Variants in PATJ observed in about 807,000 individuals in gnomAD.
PATJ encodes the protein PATJ crumbs cell polarity complex component, also known as inaD-like protein.
In PATJ, 190 loss-of-function variants were observed where a neutral mutation model predicts 224.9. That is an observed-to-expected ratio of 0.84 (90% CI 0.75 to 0.95). PATJ has a LOEUF of 0.95. PATJ is among the 40% of genes least tolerant of loss of function. The pLI, the probability that PATJ is intolerant of heterozygous loss-of-function variation, is 0.00. For missense variants in PATJ, 2,121 were observed against 2,270.3 expected, an observed-to-expected ratio of 0.93 and a Z score of 1.34; for synonymous variants, 769 against 820.3, an observed-to-expected ratio of 0.94 and a Z score of 1.07.
chr1:61,899,994 A>G (rs1422394601), intron 23 of PATJ, among the ~76,000 whole-genome samples: 1 of 152,200 alleles, frequency 6.6e-6, no homozygotes, highest in Admixed American at 6.5e-5. Flanking sequence ...CAACAGTAAC[A>G]GTAGTTGAAG....
At chr1:62,156,529 C>CA (rs1009277887) in intron 43 of PATJ, among the ~76,000 whole-genome samples, 297 of 133,532 alleles carry the variant, frequency 2.2e-3, no homozygotes, top group African/African-American at 6.6e-3. Flanking sequence ...GACTCAGTCT[C>CA]AAAAAAAAAA....
At chr1:61,997,954 A>C (rs1250890488) in intron 28 of PATJ, among the ~76,000 whole-genome samples, 2 of 137,906 alleles carry the variant, frequency 1.5e-5, no homozygotes, top group African/African-American at 2.8e-5. Flanking sequence ...AGTAGCTAGA[A>C]CTATAGGTGC....
intron 28 of PATJ, among the ~76,000 whole-genome samples, chr1:61,995,326 C>T (rs77724920): frequency 0.12 from 17,892 of 152,198 alleles, 1,268 homozygotes; most frequent in Non-Finnish European, 0.16. Context: ...ATTATTTGCA[C>T]ATATTATTTA....
chr1:62,006,359 A>C (rs1169297321), intron 28 of PATJ, among the ~76,000 whole-genome samples: 2 of 151,950 alleles, frequency 1.3e-5, no homozygotes, highest in Non-Finnish European at 2.9e-5. Context: ...CAGGCAATCC[A>C]CCCGCCTTGG....
intron 32 of PATJ, among the ~76,000 whole-genome samples, chr1:62,080,471 A>T (rs1406783565): frequency 6.6e-6 from 1 of 152,014 alleles, no homozygotes; most frequent in Non-Finnish European, 1.5e-5. Flanking sequence ...AGCTGGGATT[A>T]CAGGTGCTCA....
intron 4 of PATJ, 111 bp downstream of exon 4, chr1:61,766,584 G>T: frequency 4.4e-6 from 3 of 676,946 alleles, no homozygotes; most frequent in African/African-American, 3.7e-5. Context: ...TATGTATTTT[G>T]CTTGCTTCTA....
chr1:61,773,351 A>G (rs1164680414), intron 6 of PATJ, among the ~76,000 whole-genome samples: 2 of 152,188 alleles, frequency 1.3e-5, no homozygotes, highest in South Asian at 2.1e-4. Flanking sequence ...TTAAGACTGC[A>G]TAGTAACTTT....
intron 42 of PATJ, among the ~76,000 whole-genome samples, chr1:62,148,865 G>A (rs943980709): frequency 1.3e-5 from 2 of 152,126 alleles, no homozygotes; most frequent in African/African-American, 4.8e-5. Context: ...AGTGGCTCAT[G>A]CCTGTAATCC....
chr1:61,862,489 G>A (rs1418677208), intron 19 of PATJ, among the ~76,000 whole-genome samples: 1 of 152,098 alleles, frequency 6.6e-6, no homozygotes, highest in Admixed American at 6.5e-5. Context: ...GAGCCACCAC[G>A]CCCAGCCTAT....
At chr1:62,084,389 T>G in intron 32 of PATJ, 126 bp from the exon 33 acceptor site, 1 of 973,376 alleles carries the variant, frequency 1.0e-6, no homozygotes, top group Non-Finnish European at 1.5e-6. Context: ...TTTTGCTTCA[T>G]GGTGTTTGGC....
intron 6 of PATJ, among the ~76,000 whole-genome samples, chr1:61,774,954 T>G (rs1557621609): frequency 6.6e-6 from 1 of 152,238 alleles, no homozygotes; most frequent in African/African-American, 2.4e-5. Context: ...TAGTGCCTTA[T>G]GATCCAATAT....
chr1:62,007,348 T>G (rs1315191780), intron 28 of PATJ, among the ~76,000 whole-genome samples: 1 of 152,204 alleles, frequency 6.6e-6, no homozygotes, highest in African/African-American at 2.4e-5. Context: ...AGTAATCAGA[T>G]GAGGAAGCTA....
chr1:62,076,787 T>A (rs1433705352), intron 31 of PATJ, among the ~76,000 whole-genome samples: 1 of 152,218 alleles, frequency 6.6e-6, no homozygotes, highest in East Asian at 1.9e-4. Context: ...TGATTTTTCA[T>A]AAAAGAACTC....
chr1:61,832,312 C>A (rs893092689), intron 16 of PATJ, among the ~76,000 whole-genome samples: 2 of 150,868 alleles, frequency 1.3e-5, no homozygotes, highest in African/African-American at 4.9e-5. Flanking sequence ...ACACATACCC[C>A]CTGAACCTAA....
chr1:62,035,713 G>A (rs1281866651), intron 29 of PATJ, among the ~76,000 whole-genome samples: 1 of 151,128 alleles, frequency 6.6e-6, no homozygotes, highest in Non-Finnish European at 1.5e-5. Flanking sequence ...CATGAGTCCT[G>A]TCCTTGGAAT....
intron 20 of PATJ, among the ~76,000 whole-genome samples, 193 bp downstream of exon 20, chr1:61,864,826 A>T (rs1055197614): frequency 2.0e-5 from 3 of 152,044 alleles, no homozygotes; most frequent in African/African-American, 7.2e-5. Flanking sequence ...ACATCTTCTC[A>T]TGGGGGTCAA....
chr1:62,147,735 G>A (rs1331367498), intron 41 of PATJ, among the ~76,000 whole-genome samples: 2 of 151,710 alleles, frequency 1.3e-5, no homozygotes, highest in Non-Finnish European at 2.9e-5. Context: ...GGAAGCAGAG[G>A]TTGTAGTGAG....
chr1:62,121,356 G>A (rs1223406562), intron 38 of PATJ, 61 bp downstream of exon 38: 4 of 816,276 alleles, frequency 4.9e-6, no homozygotes, highest in African/African-American at 4.0e-5. Flanking sequence ...AAAAAAAAAT[G>A]TGTTTTTTAA....
chr1:61,747,373 G>A (rs1645075759), intron 1 of PATJ, among the ~76,000 whole-genome samples: 1 of 152,190 alleles, frequency 6.6e-6, no homozygotes, highest in Non-Finnish European at 1.5e-5. Flanking sequence ...TGTCCAGCCA[G>A]TAAAGTTTGG....
Sources: allele counts gnomAD v4.1 joint callset (sites outside exome capture counted in the v4.1 genomes callset), GRCh38; gene constraint gnomAD v4.1.1; transcripts MANE v1.5; gene names NCBI Gene and HGNC (gene_info 2026-07-23, HGNC 2026-07-21).